The following FAF1 variants were observed in gnomAD, a reference collection of about 807,000 sequenced individuals.
FAF1 encodes Fas associated factor 1, also known as FAS-associated factor 1.
In FAF1, 25 loss-of-function variants were observed where a neutral mutation model predicts 92.5. That is an observed-to-expected ratio of 0.27 (90% CI 0.20 to 0.38). The LOEUF is 0.38. Ranked by LOEUF, FAF1 falls within the 10% of genes least tolerant of loss-of-function variation. The pLI is 1.00. For synonymous variants in FAF1, 234 were observed against 273.2 expected (o/e 0.86, Z 1.42); for missense variants, 636 against 793.3 (o/e 0.80, Z 2.38).
chr1:50,671,668 A>G (rs1347175545), intron 7 of FAF1, among the ~76,000 whole-genome samples: 1 of 152,150 alleles, frequency 6.6e-6, no homozygotes, highest in Non-Finnish European at 1.5e-5. Flanking sequence ...AATGGATATT[A>G]CAATCACTAC....
intron 12 of FAF1, among the ~76,000 whole-genome samples, chr1:50,573,789 T>C (rs1221977921): frequency 2.0e-5 from 3 of 150,016 alleles, no homozygotes; most frequent in Admixed American, 2.0e-4. Context: ...TAGGGAGCAC[T>C]GTCATATGGA....
intron 2 of FAF1, among the ~76,000 whole-genome samples, chr1:50,849,160 A>G (rs765683993): frequency 1.4e-4 from 21 of 152,016 alleles, no homozygotes; most frequent in Admixed American, 5.2e-4. Flanking sequence ...CCAGCTACTC[A>G]GGAGGCTGAG....
At chr1:50,853,176 G>C (rs1194899523) in intron 2 of FAF1, among the ~76,000 whole-genome samples, 6 of 152,116 alleles carry the variant, frequency 3.9e-5, no homozygotes, top group Non-Finnish European at 8.8e-5. Flanking sequence ...GCACATTTGA[G>C]GACCTCTACA....
chr1:50,868,142 A>G (rs1039829499), intron 1 of FAF1, among the ~76,000 whole-genome samples: 2 of 152,208 alleles, frequency 1.3e-5, no homozygotes, highest in Admixed American at 6.5e-5. Context: ...ATGCAAAGGC[A>G]TAAGAATGAT....
At chr1:50,879,923 C>A (rs1318303960) in intron 1 of FAF1, among the ~76,000 whole-genome samples, 3 of 152,122 alleles carry the variant, frequency 2.0e-5, no homozygotes, top group Non-Finnish European at 4.4e-5. Flanking sequence ...TGGGAATCTG[C>A]CTAAGAGAAC....
intron 4 of FAF1, among the ~76,000 whole-genome samples, chr1:50,771,626 C>A (rs1377264027): frequency 2.0e-5 from 3 of 152,110 alleles, no homozygotes; most frequent in Non-Finnish European, 2.9e-5. Context: ...ATGGGCCCAG[C>A]ACACTGGCTC....
rs1456822413 is a variant in FAF1, at chr1:50,491,086, T to A, written c.1576-421A>T. Among the ~76,000 whole-genome samples the A allele has an allele frequency of 2.6e-5, 4 of 152,136 alleles. No homozygotes were observed. The East Asian group carries it at 7.7e-4, about 29-fold the overall frequency. On this transcript the variant is annotated intron_variant, in intron 16 of 18. Coordinates refer to ENST00000396153, the MANE Select transcript of FAF1 (RefSeq NM_007051.3). ...ACTGTTTCCTCTTCCCTCCTACTGC[T>A]CTTTCTCTGTCCAGTTCACATATAC... is the stretch of plus-strand genomic sequence containing the variant.
intron 1 of FAF1, among the ~76,000 whole-genome samples, chr1:50,954,834 T>C (rs527492115): frequency 3.2e-4 from 49 of 152,308 alleles, no homozygotes; most frequent in African/African-American, 1.2e-3. Context: ...TGAGCCACCA[T>C]GCCTGGCTTA....
rs1570071119 is a variant in FAF1, at chr1:50,864,719, T to C, written c.46-6722A>G. On this transcript the variant is annotated intron_variant, in intron 1 of 18. Coordinates refer to ENST00000396153, the MANE Select transcript of FAF1 (RefSeq NM_007051.3). ...ATGGATTAAAGACTTAAACGTTAGATCTAAAACCATAAAAACCCTAGAAGA... is the reference window on the plus strand; with the variant it reads ...ATGGATTAAAGACTTAAACGTTAGACCTAAAACCATAAAAACCCTAGAAGA... Among the ~76,000 whole-genome samples, 6 of 151,890 alleles carry C rather than the reference T, an allele frequency of 4.0e-5. No homozygotes were observed. In the South Asian group the frequency reaches 1.0e-3, roughly 26 times the overall value.
At chr1:50,575,642 T>G (rs925713605) in intron 12 of FAF1, among the ~76,000 whole-genome samples, 1 of 152,232 alleles carries the variant, frequency 6.6e-6, no homozygotes, top group African/African-American at 2.4e-5. Context: ...AAGTCTTATT[T>G]CACACATGTG....
chr1:50,922,458 C>CAAAAAAAAAAAAAAA (rs33971185), intron 1 of FAF1, among the ~76,000 whole-genome samples: 5 of 37,262 alleles, frequency 1.3e-4, no homozygotes, highest in Non-Finnish European at 1.3e-4. Context: ...GACTCTGCCT[C>CAAAAAAAAAAAAAAA]AAAAAAAAAA....
chr1:50,627,161 T>A (rs898276177), intron 8 of FAF1, among the ~76,000 whole-genome samples: 8 of 152,154 alleles, frequency 5.3e-5, no homozygotes, highest in African/African-American at 1.9e-4. Context: ...ATAAATTTGT[T>A]AACAATCTCA....
At chr1:50,681,938 A>C in intron 7 of FAF1, among the ~76,000 whole-genome samples, 1 of 151,416 alleles carries the variant, frequency 6.6e-6, no homozygotes, top group Non-Finnish European at 1.5e-5. Context: ...GGCCCAAGCG[A>C]TCCTCCCACC....
Position 50,584,791 on chromosome 1 carries a change from C to G in FAF1, c.861G>C (p.Met287Ile). The G allele has an allele frequency of 3.7e-6, 6 of 1,613,482 alleles. No homozygotes were observed. Among genetic ancestry groups the G allele is most frequent in the Non-Finnish European group, 5.1e-6 (6 of 1,179,604 alleles). The change falls in exon 10 of 19, where the codon ATG becomes ATC. Residue 287 changes from methionine to isoleucine, a missense_variant. Coordinates refer to ENST00000396153, the MANE Select transcript of FAF1 (RefSeq NM_007051.3). ...QSEEQITDVH[M>I]VSDSDGDDFE... ...AGTCATCTCCATCGCTATCACTAAC[C>G]ATATGAACATCGGTGATTTGCTATT...
At chr1:50,864,482 C>A (rs1570070647) in intron 1 of FAF1, among the ~76,000 whole-genome samples, 1 of 151,958 alleles carries the variant, frequency 6.6e-6, no homozygotes, top group Middle Eastern at 3.4e-3. Flanking sequence ...GTACTGGTAC[C>A]AAAACAGAGA....
Position 50,584,690 on chromosome 1 carries a change from G to A in FAF1, c.962C>T (p.Pro321Leu), listed in dbSNP as rs1247096574. The change falls in exon 10 of 19, where the codon CCA (proline) becomes CTA (leucine). Residue 321 changes from proline to leucine, a missense_variant. Pro to Leu is a moderately conservative substitution (Grantham distance 98). This residue lies in a region of FAF1 where 319 missense variants were observed against 451.0 expected (regional missense o/e 0.71). Transcript: ENST00000396153. The part of the protein sequence containing the change: ...GMASSALRKS[P>L]MMPENAENEG... ...AAAGAGCTATTAATACTCACTCATTGGAGATTTTCTCAAGGCAGATGACGC... is the reference window on the plus strand; with the variant it reads ...AAAGAGCTATTAATACTCACTCATTAGAGATTTTCTCAAGGCAGATGACGC... 1 of 1,613,118 alleles carries A rather than the reference G, an allele frequency of 6.2e-7. No homozygotes were observed. The highest frequency in any genetic ancestry group is 8.5e-7 in the Non-Finnish European group (1 of 1,179,404).
chr1:50,849,676 C>T (rs1387517635), intron 2 of FAF1, among the ~76,000 whole-genome samples: 1 of 152,042 alleles, frequency 6.6e-6, no homozygotes, highest in Non-Finnish European at 1.5e-5. Flanking sequence ...ATATAGACTA[C>T]TAACCTCTAG....
At chr1:50,471,920 G>C (rs912769385) in intron 18 of FAF1, among the ~76,000 whole-genome samples, 1 of 152,114 alleles carries the variant, frequency 6.6e-6, no homozygotes, top group Non-Finnish European at 1.5e-5. Flanking sequence ...TGGAAAGATG[G>C]AGGAGAAGAT....
At chr1:50,951,419 GA>G (rs779998804) in intron 1 of FAF1, among the ~76,000 whole-genome samples, 2 of 152,072 alleles carry the variant, frequency 1.3e-5, no homozygotes, top group Non-Finnish European at 2.9e-5. Context: ...AAAATTTATT[GA>G]ACACTTTCTA....
Sources: allele counts gnomAD v4.1 joint callset (sites outside exome capture counted in the v4.1 genomes callset), GRCh38; gene constraint gnomAD v4.1.1; regional missense constraint gnomAD v4.1.1; transcripts MANE v1.5; gene names NCBI Gene and HGNC (gene_info 2026-07-23, HGNC 2026-07-21).